Variants in DACH1 observed in about 807,000 individuals in gnomAD.
The protein encoded by DACH1 is dachshund family transcription factor 1, also known as dachshund homolog 1.
Under a neutral mutation model 54.2 loss-of-function variants are expected in DACH1, and 12 were observed. That is an observed-to-expected ratio of 0.22 (90% confidence interval 0.14 to 0.36). The LOEUF is 0.36. Ranked by LOEUF, DACH1 falls within the 10% of genes least tolerant of loss-of-function variation. The probability of loss-of-function intolerance (pLI) is 1.00; values close to 1 mark genes in which losing one functional copy is unlikely to be tolerated. For synonymous variants in DACH1, 386 were observed against 366.2 expected, an observed-to-expected ratio of 1.05 and a Z score of -0.62; for missense variants, 805 against 929.8, an observed-to-expected ratio of 0.87 and a Z score of 1.75.
At chr13:71,455,109 G>A (rs972662236) in intron 10 of DACH1, among the ~76,000 whole-genome samples, 1 of 152,154 alleles carries the variant, frequency 6.6e-6, no homozygotes, top group African/African-American at 2.4e-5. Context: ...AGAGGAACAA[G>A]GCTAACTTGC....
At chr13:71,851,482 T>G (rs139449025) in intron 1 of DACH1, among the ~76,000 whole-genome samples, 1 of 152,196 alleles carries the variant, frequency 6.6e-6, no homozygotes, top group Non-Finnish European at 1.5e-5. Context: ...GAATAGTTTC[T>G]TTTCCTTTAG....
intron 1 of DACH1, among the ~76,000 whole-genome samples, chr13:71,713,501 A>G (rs558726255): frequency 6.6e-6 from 1 of 152,158 alleles, no homozygotes; most frequent in East Asian, 1.9e-4. Context: ...GCATTAGTAA[A>G]AAACAGATGA....
intron 10 of DACH1, among the ~76,000 whole-genome samples, chr13:71,471,065 AG>A (rs1877026094): frequency 6.6e-6 from 1 of 152,128 alleles, no homozygotes; most frequent in African/African-American, 2.4e-5. Context: ...GGGGTGGTTA[AG>A]TAAAGGCAAG....
intron 3 of DACH1, among the ~76,000 whole-genome samples, chr13:71,624,708 G>A (rs1876517850): frequency 6.6e-6 from 1 of 151,944 alleles, no homozygotes; most frequent in East Asian, 1.9e-4. Context: ...GACATTTTTA[G>A]AGCAAGCTTG....
intron 10 of DACH1, among the ~76,000 whole-genome samples, chr13:71,470,133 G>A (rs1876939596): frequency 6.6e-6 from 1 of 152,088 alleles, no homozygotes; most frequent in South Asian, 2.1e-4. Context: ...TGTTATTGTG[G>A]TAAGTGAAAT....
chr13:71,728,826 T>C (rs961578647), intron 1 of DACH1, among the ~76,000 whole-genome samples: 2 of 152,026 alleles, frequency 1.3e-5, no homozygotes, highest in East Asian at 3.8e-4. Flanking sequence ...AAGTAATGTG[T>C]AATAGAAAAA....
chr13:71,451,413 G>A (rs1024712053), intron 10 of DACH1, among the ~76,000 whole-genome samples: 6 of 152,218 alleles, frequency 3.9e-5, no homozygotes, highest in Middle Eastern at 3.4e-3. Flanking sequence ...GCATTGCTTG[G>A]TACATGGAAA....
At chr13:71,670,182 A>G (rs1241433382) in intron 2 of DACH1, among the ~76,000 whole-genome samples, 1 of 152,192 alleles carries the variant, frequency 6.6e-6, no homozygotes, top group Non-Finnish European at 1.5e-5. Flanking sequence ...AAGCTCTCCC[A>G]TTAATTATAC....
intron 1 of DACH1, among the ~76,000 whole-genome samples, chr13:71,782,086 A>G (rs1886406769): frequency 6.6e-6 from 1 of 152,146 alleles, no homozygotes; most frequent in Admixed American, 6.5e-5. Context: ...AAATGGACAC[A>G]TTTCACTCAT....
intron 1 of DACH1, among the ~76,000 whole-genome samples, chr13:71,797,620 G>A (rs1887110657): frequency 6.6e-6 from 1 of 152,082 alleles, no homozygotes; most frequent in Non-Finnish European, 1.5e-5. Flanking sequence ...AACACAGAGG[G>A]GTAGTTGGTG....
At chr13:71,836,184 C>T (rs576564535) in intron 1 of DACH1, among the ~76,000 whole-genome samples, 1 of 151,618 alleles carries the variant, frequency 6.6e-6, no homozygotes, top group Non-Finnish European at 1.5e-5. Flanking sequence ...AAAAAGGTAC[C>T]ATTATAGAGT....
intron 3 of DACH1, among the ~76,000 whole-genome samples, chr13:71,626,608 A>G (rs1011739710): frequency 6.6e-6 from 1 of 152,014 alleles, no homozygotes; most frequent in African/African-American, 2.4e-5. Flanking sequence ...TCTGCAATGT[A>G]GCTCATATCA....
intron 1 of DACH1, among the ~76,000 whole-genome samples, chr13:71,817,556 G>T (rs1010860779): frequency 2.0e-5 from 3 of 152,194 alleles, no homozygotes; most frequent in Non-Finnish European, 2.9e-5. Flanking sequence ...TAGCTAGTGA[G>T]CACCTGAAAT....
At chr13:71,624,693 C>A (rs1242414514) in intron 3 of DACH1, among the ~76,000 whole-genome samples, 2 of 151,902 alleles carry the variant, frequency 1.3e-5, no homozygotes, top group African/African-American at 4.8e-5. Context: ...TGTAATTGAA[C>A]TGGAGACATT....
intron 3 of DACH1, among the ~76,000 whole-genome samples, chr13:71,599,418 G>A (rs1440554525): frequency 6.6e-6 from 1 of 152,010 alleles, no homozygotes; most frequent in Non-Finnish European, 1.5e-5. Flanking sequence ...GGCTTTCAGG[G>A]GTAGAAAAAT....
chr13:71,805,963 A>G (rs546778187), intron 1 of DACH1, among the ~76,000 whole-genome samples: 2 of 152,128 alleles, frequency 1.3e-5, no homozygotes, highest in East Asian at 3.9e-4. Flanking sequence ...TTGTGCCACC[A>G]TGCCCGGCTA....
chr13:71,537,070 C>T (rs1271828345), intron 6 of DACH1, among the ~76,000 whole-genome samples: 1 of 152,072 alleles, frequency 6.6e-6, no homozygotes, highest in African/African-American at 2.4e-5. Context: ...GCAAACATCT[C>T]CAGGCTCTGA....
At chr13:71,838,524 A>T (rs929052231) in intron 1 of DACH1, among the ~76,000 whole-genome samples, 1 of 152,244 alleles carries the variant, frequency 6.6e-6, no homozygotes, top group Non-Finnish European at 1.5e-5. Context: ...TAAGATAAAG[A>T]TATAGTGAAA....
chr13:71,697,176 A>C (rs1881876410), intron 1 of DACH1, among the ~76,000 whole-genome samples: 1 of 152,168 alleles, frequency 6.6e-6, no homozygotes, highest in South Asian at 2.1e-4. Flanking sequence ...TGTTTTGTTC[A>C]CTGGAATATC....
Sources: gnomAD v4.1 joint callset for allele counts (sites outside exome capture counted in the v4.1 genomes callset) on GRCh38, gnomAD v4.1.1 for gene constraint, MANE v1.5 for transcripts, NCBI Gene and HGNC (gene_info 2026-07-23, HGNC 2026-07-21) for gene names.